The following SLC8A3 variants were observed in gnomAD, a reference collection of about 807,000 sequenced individuals.
The protein encoded by SLC8A3 is solute carrier family 8 member A3.
SLC8A3 carries 37 observed loss-of-function variants against 65.4 expected under a neutral mutation model. The ratio of observed to expected loss-of-function variants is 0.57; its 90% CI spans 0.44 to 0.74. The LOEUF is 0.74. SLC8A3 is among the 30% of genes least tolerant of loss of function. SLC8A3 has a pLI of 0.00. For synonymous variants in SLC8A3, 461 were observed against 444.5 expected, an observed-to-expected ratio of 1.04 and a Z score of -0.47; for missense variants, 1,112 against 1,172.1, an observed-to-expected ratio of 0.95 and a Z score of 0.75.
intron 2 of SLC8A3, among the ~76,000 whole-genome samples, chr14:70,154,286 A>T (rs56194332): frequency 0.17 from 25,122 of 152,180 alleles, 2,487 homozygotes; most frequent in Non-Finnish European, 0.22. Flanking sequence ...TAGGGCTAAA[A>T]TTTTTTTGTA....
At chr14:70,172,115 G>A (rs117335999) in intron 1 of SLC8A3, among the ~76,000 whole-genome samples, 3 of 152,134 alleles carry the variant, frequency 2.0e-5, no homozygotes, top group Non-Finnish European at 4.4e-5. Context: ...TTAACCCCGA[G>A]GCATACTCAG....
chr14:70,137,378 G>A (rs533470058), intron 2 of SLC8A3, among the ~76,000 whole-genome samples: 8 of 152,092 alleles, frequency 5.3e-5, no homozygotes, highest in South Asian at 2.1e-4. Flanking sequence ...TCCTGACCTC[G>A]TGATCCACCC....
chr14:70,122,542 G>A (rs539905762), intron 2 of SLC8A3, among the ~76,000 whole-genome samples: 1 of 152,240 alleles, frequency 6.6e-6, no homozygotes, highest in East Asian at 1.9e-4. Flanking sequence ...TCCTCTGTAC[G>A]ATGGGTAGTA....
intron 2 of SLC8A3, among the ~76,000 whole-genome samples, chr14:70,149,409 A>G (rs2140301222): frequency 6.6e-6 from 1 of 152,198 alleles, no homozygotes; most frequent in East Asian, 1.9e-4. Flanking sequence ...TTGGCCATTA[A>G]GAGCAGGGCC....
At chr14:70,089,383 C>T (rs1176721913) in intron 2 of SLC8A3, among the ~76,000 whole-genome samples, 2 of 152,140 alleles carry the variant, frequency 1.3e-5, no homozygotes, top group Admixed American at 1.3e-4. Flanking sequence ...ATAACAGGAG[C>T]TCATAAATGC....
chr14:70,088,910 T>G (rs1435625230), intron 2 of SLC8A3, among the ~76,000 whole-genome samples: 3 of 152,164 alleles, frequency 2.0e-5, no homozygotes, highest in Non-Finnish European at 4.4e-5. Flanking sequence ...CACATTTTCT[T>G]TTTTTCATTC....
chr14:70,074,937 G>A (rs1011572658), intron 2 of SLC8A3, among the ~76,000 whole-genome samples: 1 of 152,098 alleles, frequency 6.6e-6, no homozygotes, highest in Non-Finnish European at 1.5e-5. Context: ...GTGTAATAGA[G>A]AGAATGACAG....
intron 2 of SLC8A3, among the ~76,000 whole-genome samples, chr14:70,078,118 G>A (rs1890702396): frequency 6.6e-6 from 1 of 152,200 alleles, no homozygotes; most frequent in Non-Finnish European, 1.5e-5. Context: ...CCTTTCCAAT[G>A]CCATTCAGGG....
Position 70,048,984 on chromosome 14 carries a change from G to A in SLC8A3, c.2172C>T (p.Tyr724=), listed in dbSNP as rs149109491. 1.1e-4 allele frequency: 172 copies of A among 1,614,008 alleles called. No individual in the cohort carries two copies. Among genetic ancestry groups the A allele is most frequent in the Non-Finnish European group, 1.3e-4 (155 of 1,179,978 alleles). ...AGAAGACAGTCAGGAAGTGCATGAC[G>A]TAGTCAAAGCAGGAGGGCAGCCTCT... ...GEERLPSCFD[Y]VMHFLTVFWK... is the part of the protein sequence containing the mutation. Residue 724 remains tyrosine, a synonymous_variant, in exon 6 of 7, where the codon TAC becomes TAT. Transcript: ENST00000356921.
At chr14:70,055,809 GA>G (rs1594897489) in intron 3 of SLC8A3, 2 of 1,610,946 alleles carry the variant, frequency 1.2e-6, no homozygotes, top group East Asian at 4.5e-5. Context: ...GAGATAACAG[GA>G]GCGCTGTTTG....
chr14:70,108,010 G>C (rs1892994851), intron 2 of SLC8A3, among the ~76,000 whole-genome samples: 1 of 151,596 alleles, frequency 6.6e-6, no homozygotes, highest in African/African-American at 2.4e-5. Flanking sequence ...TTTCCTATAA[G>C]AGTTGCTTTC....
chr14:70,165,353 A>T (rs17107902), intron 2 of SLC8A3, among the ~76,000 whole-genome samples: 5,431 of 151,860 alleles, frequency 0.036, 322 homozygotes, highest in African/African-American at 0.12. Flanking sequence ...CTCCTAGGAC[A>T]CCTCTCCCTA....
intron 2 of SLC8A3, among the ~76,000 whole-genome samples, chr14:70,120,607 G>A (rs1348036088): frequency 6.6e-6 from 1 of 152,192 alleles, no homozygotes; most frequent in African/African-American, 2.4e-5. Context: ...TAGAAATGCT[G>A]CAGGAAGTGT....
At chr14:70,074,019 A>T (rs1374036373) in intron 2 of SLC8A3, among the ~76,000 whole-genome samples, 1 of 152,240 alleles carries the variant, frequency 6.6e-6, no homozygotes, top group Non-Finnish European at 1.5e-5. Flanking sequence ...ATGGGAGATT[A>T]GCTGATTCTA....
Position 70,166,857 on chromosome 14 carries a change from G to A in SLC8A3, c.1566C>T (p.Thr522=), listed in dbSNP as rs1897192735. 2 of 1,613,964 alleles carry A rather than the reference G, an allele frequency of 1.2e-6. No homozygotes were observed. The highest frequency in any genetic ancestry group is 2.2e-5 in the East Asian group (1 of 44,892). ...TGCCTGCATGGTCATCATCCAAGATGGTAACTGTGGCCACACAAGGGGAGG... is the reference window on the plus strand; with the variant it reads ...TGCCTGCATGGTCATCATCCAAGATAGTAACTGTGGCCACACAAGGGGAGG... ...VLASPCVATV[T]ILDDDHAGIF... Residue 522 remains threonine (T), a synonymous_variant, in exon 2 of 7, where the codon ACC becomes ACT. Transcript: ENST00000356921.
intron 2 of SLC8A3, among the ~76,000 whole-genome samples, chr14:70,110,719 C>T (rs1310541920): frequency 4.5e-5 from 6 of 132,982 alleles, no homozygotes; most frequent in African/African-American, 1.1e-4. Context: ...CTCGCTCTTT[C>T]ACCCAGGCCA....
At chr14:70,139,748 G>A (rs1013507873) in intron 2 of SLC8A3, among the ~76,000 whole-genome samples, 1 of 152,194 alleles carries the variant, frequency 6.6e-6, no homozygotes. Context: ...CCCCGGGAGA[G>A]GGGTTAGATG....
In SLC8A3 at chr14:70,045,873, G is replaced by A. The variant is rs183351440; in HGVS notation, c.*74C>T. 1.2e-4 allele frequency: 162 copies of A among 1,400,278 alleles called. 1 individual carries two copies. The African/African-American group carries it at 2.2e-3, about 19-fold the overall frequency. The allele number at this position is 1,400,278 out of a possible 1,614,324, so 86.7% of individuals were successfully genotyped here. A position where few individuals can be genotyped will look rare whatever the true frequency, so the allele number is the denominator to read the frequency against. On this transcript the variant is annotated 3_prime_UTR_variant, in exon 7 of 7. Transcript: ENST00000356921. Reference sequence around the variant, plus strand: ...TCTCCAGGGCAGTGCAGTCGGGAGAGATCACTGGTGGGGAAGTGCCCTTCT... The same window carrying A: ...TCTCCAGGGCAGTGCAGTCGGGAGAAATCACTGGTGGGGAAGTGCCCTTCT...
intron 3 of SLC8A3, chr14:70,060,571 G>C (rs1827098302): frequency 1.7e-6 from 1 of 589,226 alleles, no homozygotes; most frequent in Admixed American, 2.1e-5. Flanking sequence ...AGTTGAGGCT[G>C]CAGTGCTGCC....
Sources: allele counts gnomAD v4.1 joint callset (sites outside exome capture counted in the v4.1 genomes callset), GRCh38; gene constraint gnomAD v4.1.1; transcripts MANE v1.5; gene names NCBI Gene and HGNC (gene_info 2026-07-23, HGNC 2026-07-21).